The following TSPAN16 variants were observed in gnomAD, a reference collection of about 807,000 sequenced individuals.
TSPAN16 encodes the protein tetraspanin 16.
TSPAN16 carries 23 observed loss-of-function variants against 25.2 expected under a neutral mutation model. The ratio of observed to expected loss-of-function variants is 0.91; its 90% CI spans 0.66 to 1.29. TSPAN16 has a LOEUF of 1.29. Ranked by LOEUF, TSPAN16 falls within the 50% of genes most tolerant of loss-of-function variation. TSPAN16 has a pLI of 0.00. For missense variants in TSPAN16, 272 were observed against 299.9 expected (o/e 0.91, Z 0.69); for synonymous variants, 123 against 124.4 (o/e 0.99, Z 0.08).
intron 6 of TSPAN16, among the ~76,000 whole-genome samples, chr19:11,320,993 A>G (rs1156623622): frequency 7.2e-5 from 11 of 151,844 alleles, no homozygotes; most frequent in Non-Finnish European, 2.9e-5. Context: ...ACGTGGTGAA[A>G]CCCCGTCTCT....
At chr19:11,309,378 C>T (rs1326026277) in intron 5 of TSPAN16, among the ~76,000 whole-genome samples, 7 of 152,234 alleles carry the variant, frequency 4.6e-5, no homozygotes, top group African/African-American at 1.7e-4. Context: ...CTGGGCCCTA[C>T]ACAACCTACC....
chr19:11,323,886 C>A (rs765646046), intron 6 of TSPAN16: 19 of 152,154 alleles, frequency 1.2e-4, no homozygotes, highest in Non-Finnish European at 2.2e-4. Flanking sequence ...TGTTTGGGAG[C>A]AAAGAAAAGG....
intron 6 of TSPAN16, 46 bp downstream of exon 6, chr19:11,312,268 C>T (rs376271322): frequency 7.4e-7 from 1 of 1,360,248 alleles, no homozygotes; most frequent in African/African-American, 1.4e-5. Flanking sequence ...TTATTAAGCA[C>T]CTACTGTATG....
At chr19:11,322,534 T>A (rs1014339594) in intron 6 of TSPAN16, 1 of 152,294 alleles carries the variant, frequency 6.6e-6, no homozygotes, top group Non-Finnish European at 1.5e-5. Context: ...TTTGGTTTAA[T>A]GTGTCTGTAA....
downstream of TSPAN16, among the ~76,000 whole-genome samples, chr19:11,318,767 C>T (rs1357964259): frequency 6.6e-6 from 1 of 152,116 alleles, no homozygotes; most frequent in African/African-American, 2.4e-5. Flanking sequence ...CTGCCTCAGC[C>T]TCCTGAATAG....
chr19:11,319,602 C>CAAATA (rs1555706171), downstream of TSPAN16, among the ~76,000 whole-genome samples: 5 of 151,102 alleles, frequency 3.3e-5, no homozygotes, highest in African/African-American at 1.2e-4. Flanking sequence ...TGTCTCAAAA[C>CAAATA]AAACAAAACA....
At chr19:11,319,552 C>T (rs1280920797), downstream of TSPAN16, among the ~76,000 whole-genome samples, 1 of 151,872 alleles carries the variant, frequency 6.6e-6, no homozygotes, top group Non-Finnish European at 1.5e-5. Context: ...GAGCCGAGAT[C>T]GCGCCACTGC....
At chr19:11,325,377 G>A (rs762163610) in intron 6 of TSPAN16, 5 of 1,485,752 alleles carry the variant, frequency 3.4e-6, no homozygotes, top group South Asian at 1.2e-5. Context: ...AGAGGGGTGG[G>A]TGGGGGGTTG....
chr19:11,303,595 A>C (rs1185989584), intron 4 of TSPAN16, among the ~76,000 whole-genome samples: 2 of 148,842 alleles, frequency 1.3e-5, no homozygotes, highest in African/African-American at 5.0e-5. Flanking sequence ...AAAAAAAAAA[A>C]AACTCCTGGC....
rs891028432 is a variant in TSPAN16, at chr19:11,297,215, C to T, written c.69+849C>T. Among the ~76,000 whole-genome samples the T allele has an allele frequency of 3.3e-5, 5 of 152,148 alleles. No individual in the cohort carries two copies. In the South Asian group the frequency reaches 6.2e-4, roughly 19 times the overall value. Reference sequence around the variant, plus strand: ...TGGTGACTCATGCCTGTAATCCCAGCACTTTGGGAGGCCGAGGTGGGCAGA... The same window carrying T: ...TGGTGACTCATGCCTGTAATCCCAGTACTTTGGGAGGCCGAGGTGGGCAGA... On this transcript the variant is annotated intron_variant, in intron 1 of 6. Coordinates refer to ENST00000590327, the MANE Select transcript of TSPAN16 (RefSeq NM_001282509.2).
chr19:11,317,682 AC>A (rs1238467890), downstream of TSPAN16, among the ~76,000 whole-genome samples: 2 of 151,304 alleles, frequency 1.3e-5, no homozygotes, highest in Non-Finnish European at 2.9e-5. Flanking sequence ...TTTAGTAGAG[AC>A]GGGGTTTCAT....
chr19:11,325,384 G>T, intron 6 of TSPAN16: 2 of 1,511,606 alleles, frequency 1.3e-6, no homozygotes, highest in East Asian at 2.4e-5. Context: ...TGGGTGGGGG[G>T]TTGGGGGCCA....
chr19:11,298,127 G>T lies in TSPAN16; in HGVS notation c.70-15G>T, dbSNP rs1270332128. 1.9e-6 allele frequency: 3 copies of T among 1,613,278 alleles called. No individual in the cohort carries two copies. The highest frequency in any genetic ancestry group is 2.5e-6 in the Non-Finnish European group (3 of 1,179,448). On this transcript the variant is annotated splice_polypyrimidine_tract_variant and intron_variant, in intron 1 of 6. Coordinates refer to ENST00000590327, the MANE Select transcript of TSPAN16 (RefSeq NM_001282509.2). The stretch of plus-strand genomic sequence containing the variant: ...AACAGATTACTTTTCTTCCTTTCTG[G>T]TTTCTGTTCTAAAGGTGTCTGGCAT...
At position 11,306,711 on chromosome 19, in the gene TSPAN16, G is replaced by A; in HGVS notation, c.558G>A (p.Val186=). Residue 186 remains valine (V), a synonymous_variant, in exon 5 of 7, where the codon GTG becomes GTA. Transcript: ENST00000590327. The stretch of plus-strand genomic sequence containing the variant: ...GTTGCTGTAAATCCATCGGAAGTGT[G>A]TCCTGTGACGGACGCGATGTGTCTC... ...PRSCCKSIGS[V]SCDGRDVSPN... 1 of 1,614,124 alleles carries A rather than the reference G, an allele frequency of 6.2e-7. No homozygotes were observed. Among genetic ancestry groups the A allele is most frequent in the Non-Finnish European group, 8.5e-7 (1 of 1,180,042 alleles).
downstream of TSPAN16, among the ~76,000 whole-genome samples, chr19:11,320,631 C>T (rs1267375141): frequency 6.6e-6 from 1 of 150,838 alleles, no homozygotes; most frequent in Non-Finnish European, 1.5e-5. Flanking sequence ...CATGATTGTG[C>T]CACTGCACTC....
rs749173418 is a variant in TSPAN16 at position 11,306,627 on chromosome 19, C to T, written c.474C>T (p.Asn158=). Residue 158 remains asparagine (N), a synonymous_variant, in exon 5 of 7, where the codon AAC becomes AAT. Transcript: ENST00000590327. ...MEKLKCCGVN[N]YTDFSGSSFE... ...AGCTAAAGTGCTGTGGGGTGAATAACTACACAGATTTTTCTGGCTCTTCCT... is the reference window on the plus strand; with the variant it reads ...AGCTAAAGTGCTGTGGGGTGAATAATTACACAGATTTTTCTGGCTCTTCCT... 2 of 1,613,650 alleles carry T rather than the reference C, an allele frequency of 1.2e-6. No homozygotes were observed. Among genetic ancestry groups the T allele is most frequent in the Non-Finnish European group, 1.7e-6 (2 of 1,180,004 alleles).
chr19:11,299,002 G>C (rs1599326258), intron 3 of TSPAN16, 56 bp downstream of exon 3: 3 of 1,562,954 alleles, frequency 1.9e-6, no homozygotes, highest in African/African-American at 1.4e-5. Flanking sequence ...AACCAAGGAC[G>C]GGCACAGTGG....
intron 6 of TSPAN16, chr19:11,325,446 C>G (rs146422241): frequency 6.2e-7 from 1 of 1,609,270 alleles, no homozygotes; most frequent in African/African-American, 1.3e-5. Flanking sequence ...CCCCCACGGC[C>G]GGGCCTTTCC....
At chr19:11,312,042 G>A (rs2080697432) in intron 5 of TSPAN16, 97 bp from the exon 6 acceptor site, 1 of 852,298 alleles carries the variant, frequency 1.2e-6, no homozygotes. Context: ...AAGAATCTGA[G>A]AGTCGTCTGA....
Sources: allele counts gnomAD v4.1 joint callset (sites outside exome capture counted in the v4.1 genomes callset), GRCh38; gene constraint gnomAD v4.1.1; transcripts MANE v1.5; gene names NCBI Gene and HGNC (gene_info 2026-07-23, HGNC 2026-07-21).